The following EXOC6B variants were observed in gnomAD, a reference collection of about 807,000 sequenced individuals.
EXOC6B encodes the protein SEC15 homolog B.
In EXOC6B, 54 loss-of-function variants were observed where a neutral mutation model predicts 113.5. That is an observed-to-expected ratio of 0.48 (90% CI 0.38 to 0.60). EXOC6B has a LOEUF of 0.60. Ranked by LOEUF, EXOC6B falls within the 20% of genes least tolerant of loss-of-function variation. The probability of loss-of-function intolerance (pLI) is 0.00; values close to 1 mark genes in which losing one functional copy is unlikely to be tolerated. For missense variants in EXOC6B, 797 were observed against 977.5 expected (o/e 0.82, Z 2.46); for synonymous variants, 357 against 339.0 (o/e 1.05, Z -0.58).
At chr2:72,338,495 T>C (rs1688826050) in intron 19 of EXOC6B, among the ~76,000 whole-genome samples, 1 of 152,150 alleles carries the variant, frequency 6.6e-6, no homozygotes, top group African/African-American at 2.4e-5. Context: ...ATTTAATTAC[T>C]TCATTTAAAG....
At chr2:72,223,626 A>G (rs1471581204) in intron 20 of EXOC6B, among the ~76,000 whole-genome samples, 1 of 152,160 alleles carries the variant, frequency 6.6e-6, no homozygotes, top group Non-Finnish European at 1.5e-5. Flanking sequence ...TGTGTTTCTG[A>G]TTTACTATTA....
chr2:72,470,133 G>A (rs142113246), intron 17 of EXOC6B, among the ~76,000 whole-genome samples: 5 of 152,128 alleles, frequency 3.3e-5, no homozygotes, highest in African/African-American at 9.6e-5. Flanking sequence ...CTGATACTTC[G>A]TTAGGGATTG....
At chr2:72,794,280 C>T (rs1684830206) in intron 1 of EXOC6B, among the ~76,000 whole-genome samples, 1 of 152,178 alleles carries the variant, frequency 6.6e-6, no homozygotes, top group African/African-American at 2.4e-5. Flanking sequence ...CTCCAACTGG[C>T]AGTCACATGG....
intron 6 of EXOC6B, among the ~76,000 whole-genome samples, chr2:72,690,575 C>T (rs1394821078): frequency 6.6e-6 from 1 of 152,194 alleles, no homozygotes; most frequent in African/African-American, 2.4e-5. Context: ...TACTAACTTA[C>T]CAAATGCAGT....
chr2:72,538,946 G>C (rs1221172089), intron 8 of EXOC6B, among the ~76,000 whole-genome samples: 1 of 152,180 alleles, frequency 6.6e-6, no homozygotes, highest in African/African-American at 2.4e-5. Flanking sequence ...GCTGGGAATA[G>C]GCATTGGCAG....
At chr2:72,600,386 G>C (rs140840308) in intron 6 of EXOC6B, among the ~76,000 whole-genome samples, 13 of 144,806 alleles carry the variant, frequency 9.0e-5, no homozygotes, top group African/African-American at 3.4e-4. Flanking sequence ...AGGTTGCACT[G>C]AGCCAAGATT....
chr2:72,773,475 GA>G lies in EXOC6B; in HGVS notation c.114-32007del, dbSNP rs995211399. 8.4e-4 allele frequency among the ~76,000 whole-genome samples: 125 copies of G among 148,830 alleles called. 1 individual carries two copies. The highest frequency in any genetic ancestry group is 2.7e-3 in the African/African-American group (109 of 40,594). On this transcript the variant is annotated intron_variant, in intron 1 of 21. Coordinates refer to ENST00000272427, the MANE Select transcript of EXOC6B (RefSeq NM_015189.3). Reference sequence around the variant, plus strand: ...AAAAAAAAAAAAAAGGCAACTATGTGAGTTGATGAATATGTTAATTAGCACA... The same window carrying G: ...AAAAAAAAAAAAAAGGCAACTATGTGGTTGATGAATATGTTAATTAGCACA...
At chr2:72,311,553 T>C (rs1687185434) in intron 20 of EXOC6B, among the ~76,000 whole-genome samples, 1 of 152,140 alleles carries the variant, frequency 6.6e-6, no homozygotes. Context: ...TTTAAGGAGT[T>C]ACGGGATTAG....
At chr2:72,186,122 C>G (rs1030686307) in intron 20 of EXOC6B, among the ~76,000 whole-genome samples, 3 of 152,186 alleles carry the variant, frequency 2.0e-5, no homozygotes, top group Admixed American at 6.5e-5. Flanking sequence ...ATATGTGCCA[C>G]ATTTTCTTAA....
intron 11 of EXOC6B, among the ~76,000 whole-genome samples, chr2:72,509,872 C>G (rs183645962): frequency 6.6e-6 from 1 of 152,088 alleles, no homozygotes; most frequent in Admixed American, 6.5e-5. Context: ...CTTGCTCTGT[C>G]ACCCAGGCTG....
chr2:72,373,939 G>A (rs1011780802), intron 19 of EXOC6B, among the ~76,000 whole-genome samples: 2 of 152,126 alleles, frequency 1.3e-5, no homozygotes, highest in African/African-American at 4.8e-5. Context: ...TGGGCAACAT[G>A]GTGAAACTCC....
chr2:72,411,154 G>A (rs987018329), intron 18 of EXOC6B, among the ~76,000 whole-genome samples: 25 of 152,212 alleles, frequency 1.6e-4, no homozygotes, highest in African/African-American at 6.0e-4. Context: ...CAAGGCTGCA[G>A]TGAGCTGTGA....
chr2:72,801,993 C>A (rs1452946019), intron 1 of EXOC6B, among the ~76,000 whole-genome samples: 1 of 152,102 alleles, frequency 6.6e-6, no homozygotes, highest in Admixed American at 6.6e-5. Context: ...TCTTGGAATT[C>A]ATAATAAGAT....
intron 6 of EXOC6B, among the ~76,000 whole-genome samples, chr2:72,619,483 A>T (rs2104168328): frequency 1.3e-5 from 2 of 152,264 alleles, no homozygotes; most frequent in Middle Eastern, 3.4e-3. Context: ...TACAGTAGAA[A>T]ATTAAGTGTA....
intron 2 of EXOC6B, among the ~76,000 whole-genome samples, chr2:72,736,750 T>G (rs1335829401): frequency 6.6e-6 from 1 of 152,136 alleles, no homozygotes; most frequent in African/African-American, 2.4e-5. Context: ...CACGACTACT[T>G]CGATAACCAG....
At chr2:72,504,176 G>C (rs113454433) in intron 11 of EXOC6B, among the ~76,000 whole-genome samples, 2,747 of 152,214 alleles carry the variant, frequency 0.018, 78 homozygotes, top group African/African-American at 0.062. Flanking sequence ...CCAACGTGCT[G>C]GCATTACAGG....
intron 19 of EXOC6B, among the ~76,000 whole-genome samples, chr2:72,346,144 C>T (rs1572946171): frequency 2.6e-5 from 4 of 151,940 alleles, no homozygotes; most frequent in Non-Finnish European, 5.9e-5. Context: ...AACCAGTACT[C>T]CAAATGTATT....
At chr2:72,196,582 G>T (rs1002282234) in intron 20 of EXOC6B, among the ~76,000 whole-genome samples, 27 of 152,162 alleles carry the variant, frequency 1.8e-4, no homozygotes, top group African/African-American at 6.3e-4. Context: ...TTTCAGCAAA[G>T]AAGCATTAGA....
chr2:72,234,381 C>G (rs985986624), intron 20 of EXOC6B, among the ~76,000 whole-genome samples: 1 of 151,990 alleles, frequency 6.6e-6, no homozygotes, highest in Non-Finnish European at 1.5e-5. Context: ...CTGCGCCCAG[C>G]CTTCTTCTTT....
Sources: gnomAD v4.1 joint callset for allele counts (sites outside exome capture counted in the v4.1 genomes callset) on GRCh38, gnomAD v4.1.1 for gene constraint, MANE v1.5 for transcripts, NCBI Gene and HGNC (gene_info 2026-07-23, HGNC 2026-07-21) for gene names.